The following ZC3H12C variants were observed in gnomAD, a reference collection of about 807,000 sequenced individuals.
ZC3H12C encodes probable ribonuclease ZC3H12C.
In ZC3H12C, 20 loss-of-function variants were observed where a neutral mutation model predicts 76.3. The ratio of observed to expected loss-of-function variants is 0.26; its 90% CI spans 0.18 to 0.38. The LOEUF (loss-of-function observed/expected upper bound fraction) is 0.38. ZC3H12C is among the 10% of genes least tolerant of loss of function. The pLI, the probability that ZC3H12C is intolerant of heterozygous loss-of-function variation, is 1.00. For missense variants in ZC3H12C, 874 were observed against 1,086.5 expected (o/e 0.80, Z 2.75); for synonymous variants, 352 against 399.6 (o/e 0.88, Z 1.42).
rs1862574425 is a variant in ZC3H12C, at chr11:110,165,812, A to G, written c.*75A>G. ...GCTGAGGGAGGTTTGCTACAATAGC[A>G]CATGTGATCTCCTTCTCAGCAAGGA... On this transcript the variant is annotated 3_prime_UTR_variant, in exon 6 of 6. Coordinates refer to ENST00000278590, the MANE Select transcript of ZC3H12C (RefSeq NM_033390.2). 1 of 1,346,338 alleles carries G rather than the reference A, an allele frequency of 7.4e-7. No individual in the cohort carries two copies. 83.4% of individuals were successfully genotyped at this position (1,346,338 alleles called of 1,614,324 possible).
Position 110,165,363 on chromosome 11 carries a change from TCTC to T in ZC3H12C, c.2281_2283del (p.Pro761del), listed in dbSNP as rs745454884. On this transcript the variant is annotated inframe_deletion, in exon 6 of 6. Coordinates refer to ENST00000278590, the MANE Select transcript of ZC3H12C (RefSeq NM_033390.2). ...CTCTGACTCTCGACTTTATGACAGT[TCTC>T]CTTCACGACAAAGAAAGCCTTATTC... 5.5e-5 allele frequency: 88 copies of T among 1,613,768 alleles called. 1 individual carries two copies. Among genetic ancestry groups the T allele is most frequent in the Non-Finnish European group, 5.6e-5 (66 of 1,179,886 alleles).
At chr11:110,122,972 C>A (rs1861676859) in intron 1 of ZC3H12C, among the ~76,000 whole-genome samples, 1 of 152,172 alleles carries the variant, frequency 6.6e-6, no homozygotes, top group South Asian at 2.1e-4. Flanking sequence ...TAATGCACAT[C>A]CTGGGTGCCA....
intron 4 of ZC3H12C, among the ~76,000 whole-genome samples, chr11:110,160,013 C>G (rs1862451312): frequency 6.6e-6 from 1 of 152,242 alleles, no homozygotes; most frequent in Non-Finnish European, 1.5e-5. Context: ...TGCTTCCAGG[C>G]TACCAACTTG....
In ZC3H12C at chr11:110,130,956, G is replaced by A. The variant is rs994837504; in HGVS notation, c.22-5707G>A. ...CCTATGATTGGCTGTTATTCCACTC[G>A]GTAATAGGTTAAGCAAAGACATTAC... On this transcript the variant is annotated intron_variant, in intron 1 of 5. Coordinates refer to ENST00000278590, the MANE Select transcript of ZC3H12C (RefSeq NM_033390.2). 10 of 1,405,720 alleles carry A rather than the reference G, an allele frequency of 7.1e-6. No homozygotes were observed. The Admixed American group carries it at 1.3e-4, about 18-fold the overall frequency. The allele number at this position is 1,405,720 out of a possible 1,614,324, so 87.1% of individuals were successfully genotyped here. A position where few individuals can be genotyped will look rare whatever the true frequency, so the allele number is the denominator to read the frequency against.
intron 1 of ZC3H12C, among the ~76,000 whole-genome samples, chr11:110,130,006 A>G (rs1392154267): frequency 1.3e-5 from 2 of 152,190 alleles, no homozygotes; most frequent in Non-Finnish European, 2.9e-5. Flanking sequence ...CATAGTATTT[A>G]TAATGTTAAC....
chr11:110,111,747 TG>T, intron 1 of ZC3H12C, among the ~76,000 whole-genome samples: 1 of 151,396 alleles, frequency 6.6e-6, no homozygotes, highest in South Asian at 2.1e-4. Flanking sequence ...CTTTCTGTGT[TG>T]CCCAGGCTGG....
chr11:110,119,539 G>C (rs1297716485), intron 1 of ZC3H12C, among the ~76,000 whole-genome samples: 1 of 152,112 alleles, frequency 6.6e-6, no homozygotes, highest in Admixed American at 6.5e-5. Context: ...GGAGGCTCCT[G>C]ACCACCTTGC....
At chr11:110,093,645 A>T (rs1861053831) in intron 1 of ZC3H12C, among the ~76,000 whole-genome samples, 2 of 151,718 alleles carry the variant, frequency 1.3e-5, no homozygotes, top group Admixed American at 6.6e-5. Flanking sequence ...GCCGAGCGGA[A>T]AGCCCAGCGC....
At chr11:110,130,887 G>C (rs888776197) in intron 1 of ZC3H12C, 6 of 712,466 alleles carry the variant, frequency 8.4e-6, no homozygotes, top group African/African-American at 3.6e-5. Context: ...AGGGTGCTGA[G>C]GTTGTCTTGC....
chr11:110,153,712 C>G (rs981183330), intron 3 of ZC3H12C, among the ~76,000 whole-genome samples: 3 of 152,116 alleles, frequency 2.0e-5, no homozygotes, highest in Non-Finnish European at 4.4e-5. Context: ...CCCCTTTGGG[C>G]CCCAATTTCT....
chr11:110,128,105 A>G (rs1224806594), intron 1 of ZC3H12C, among the ~76,000 whole-genome samples: 1 of 146,722 alleles, frequency 6.8e-6, no homozygotes, highest in Non-Finnish European at 1.5e-5. Flanking sequence ...TTAGTATAAT[A>G]CTCCTAAAAC....
In ZC3H12C at chr11:110,165,868, T is replaced by C. The variant is rs1862575480; in HGVS notation, c.*131T>C. On this transcript the variant is annotated 3_prime_UTR_variant, in exon 6 of 6. Transcript: ENST00000278590. ...TATAGTATCCATTTATGTGAAATAC[T>C]GTATCATGGAATCTGTATGTATAGC... 1 of 862,860 alleles carries C rather than the reference T, an allele frequency of 1.2e-6. No homozygotes were observed. The highest frequency in any genetic ancestry group is 1.7e-6 in the Non-Finnish European group (1 of 574,900). 53.5% of individuals were successfully genotyped at this position (862,860 alleles called of 1,614,324 possible). A position where few individuals can be genotyped will look rare whatever the true frequency, so the allele number is the denominator to read the frequency against.
intron 1 of ZC3H12C, 72 bp downstream of exon 1, chr11:110,093,504 AGGGCCGCG>A: frequency 9.1e-7 from 1 of 1,099,578 alleles, no homozygotes; most frequent in Non-Finnish European, 1.1e-6. Context: ...GGTCGTGGGG[AGGGCCGCG>A]GGGCCGCGCC....
chr11:110,156,059 T>C (rs1862372156), intron 3 of ZC3H12C, among the ~76,000 whole-genome samples: 1 of 152,116 alleles, frequency 6.6e-6, no homozygotes, highest in South Asian at 2.1e-4. Flanking sequence ...TGCCAGTCCC[T>C]GGAACACATC....
rs1017125654 is a variant in ZC3H12C, at chr11:110,137,197, C to T, written c.556C>T (p.Leu186Phe). ...EEQVQLVLNKLGTDALINDIL... is the reference protein window; with the variant it reads ...EEQVQLVLNKFGTDALINDIL... ...ACAGGTTCAGCTTGTACTAAACAAA[C>T]TTGGTACTGATGCTTTAATCAATGA... is the stretch of plus-strand genomic sequence containing the variant. Residue 186 changes from leucine to phenylalanine, a missense_variant, in exon 2 of 6, where the codon CTT (leucine) becomes TTT (phenylalanine). Physicochemically the swap from Leu to Phe is conservative, Grantham distance 22. Coordinates refer to ENST00000278590, the MANE Select transcript of ZC3H12C (RefSeq NM_033390.2). 8.7e-6 allele frequency: 14 copies of T among 1,613,784 alleles called. No homozygotes were observed. Among genetic ancestry groups the T allele is most frequent in the Non-Finnish European group, 1.1e-5 (13 of 1,179,860 alleles).
At chr11:110,129,600 A>T (rs1861822736) in intron 1 of ZC3H12C, among the ~76,000 whole-genome samples, 1 of 152,178 alleles carries the variant, frequency 6.6e-6, no homozygotes, top group East Asian at 1.9e-4. Flanking sequence ...TGATCATATA[A>T]TGAAAAAGTC....
intron 1 of ZC3H12C, among the ~76,000 whole-genome samples, chr11:110,111,484 C>G (rs1041915945): frequency 1.3e-5 from 2 of 150,640 alleles, no homozygotes; most frequent in Non-Finnish European, 3.0e-5. Context: ...TTAGAAACAC[C>G]AGTTCCGAAG....
chr11:110,108,155 TG>T (rs898819537), intron 1 of ZC3H12C, among the ~76,000 whole-genome samples: 1 of 151,962 alleles, frequency 6.6e-6, no homozygotes, highest in Non-Finnish European at 1.5e-5. Flanking sequence ...GAGGTCTCAG[TG>T]TGTTACCAAA....
At chr11:110,141,198 T>C (rs1431152662) in intron 2 of ZC3H12C, among the ~76,000 whole-genome samples, 2 of 152,176 alleles carry the variant, frequency 1.3e-5, no homozygotes, top group Non-Finnish European at 2.9e-5. Context: ...TGAAGTAATT[T>C]TCTTAAAGTT....
Sources: gnomAD v4.1 joint callset for allele counts (sites outside exome capture counted in the v4.1 genomes callset) on GRCh38, gnomAD v4.1.1 for gene constraint, MANE v1.5 for transcripts, NCBI Gene and HGNC (gene_info 2026-07-23, HGNC 2026-07-21) for gene names.